The following HS3ST2 variants were observed in gnomAD, a reference collection of about 807,000 sequenced individuals.
HS3ST2 encodes heparan sulfate-glucosamine 3-sulfotransferase 2, also known as heparan sulfate glucosamine 3-O-sulfotransferase 2.
Under a neutral mutation model 26.3 loss-of-function variants are expected in HS3ST2, and 17 were observed. The ratio of observed to expected loss-of-function variants is 0.65; its 90% CI spans 0.44 to 0.97. The LOEUF (loss-of-function observed/expected upper bound fraction) is 0.97, where lower values mean the gene tolerates loss of function less well. HS3ST2 is among the 50% of genes least tolerant of loss of function. The pLI, the probability that HS3ST2 is intolerant of heterozygous loss-of-function variation, is 0.00. For missense variants in HS3ST2, 402 were observed against 501.2 expected, an observed-to-expected ratio of 0.80 and a Z score of 1.89; for synonymous variants, 237 against 219.2, an observed-to-expected ratio of 1.08 and a Z score of -0.72.
chr16:22,858,974 T>C (rs1272037450), intron 1 of HS3ST2, among the ~76,000 whole-genome samples: 4 of 152,170 alleles, frequency 2.6e-5, no homozygotes, highest in African/African-American at 4.8e-5. Flanking sequence ...GAGACTAGCC[T>C]GGACAACAGA....
chr16:22,894,927 A>G (rs963956953), intron 1 of HS3ST2, among the ~76,000 whole-genome samples: 2 of 152,108 alleles, frequency 1.3e-5, no homozygotes, highest in African/African-American at 4.8e-5. Context: ...TTTCTCTTTG[A>G]CATTTTGATA....
chr16:22,845,146 G>T (rs919353501), intron 1 of HS3ST2, among the ~76,000 whole-genome samples: 1 of 147,544 alleles, frequency 6.8e-6, no homozygotes, highest in Non-Finnish European at 1.5e-5. Flanking sequence ...GAGCCACTGC[G>T]CCTGGCCTAA....
In HS3ST2 at chr16:22,839,535, C is replaced by T. The variant is rs1596609993; in HGVS notation, c.485+24440C>T. Among the ~76,000 whole-genome samples, 6 of 152,128 alleles carry T rather than the reference C, an allele frequency of 3.9e-5. 1 individual carries two copies. Among genetic ancestry groups the T allele is most frequent in the Admixed American group, 3.3e-4 (5 of 15,270 alleles). On this transcript the variant is annotated intron_variant, in intron 1 of 1. Transcript: ENST00000261374. Reference sequence around the variant, plus strand: ...GACTCAAAAGCTGCTGCACAGGTAACTCTGAGAGTTATGTGAAATTTTCTT... The same window carrying T: ...GACTCAAAAGCTGCTGCACAGGTAATTCTGAGAGTTATGTGAAATTTTCTT...
intron 1 of HS3ST2, among the ~76,000 whole-genome samples, chr16:22,871,937 C>T (rs1320614805): frequency 6.6e-6 from 1 of 152,190 alleles, no homozygotes; most frequent in Non-Finnish European, 1.5e-5. Flanking sequence ...TGGAATAGCC[C>T]TGCAGGGAAG....
At chr16:22,828,259 T>C (rs1314670450) in intron 1 of HS3ST2, among the ~76,000 whole-genome samples, 2 of 152,142 alleles carry the variant, frequency 1.3e-5, no homozygotes, top group Non-Finnish European at 2.9e-5. Flanking sequence ...AATACAGAGT[T>C]CTTAGGTAAC....
chr16:22,872,580 G>A (rs911264074), intron 1 of HS3ST2, among the ~76,000 whole-genome samples: 2 of 152,116 alleles, frequency 1.3e-5, no homozygotes, highest in African/African-American at 4.8e-5. Flanking sequence ...TTCTTCTTTA[G>A]ATGGGGCACA....
intron 1 of HS3ST2, among the ~76,000 whole-genome samples, chr16:22,864,882 CAAAAAAAAAA>C (rs34942780): frequency 1.7e-5 from 1 of 57,170 alleles, no homozygotes; most frequent in Non-Finnish European, 3.6e-5. Flanking sequence ...CCTGTCTCCA[CAAAAAAAAAA>C]AAAAAAAAAA....
chr16:22,880,612 G>A (rs1901976712), intron 1 of HS3ST2, among the ~76,000 whole-genome samples: 1 of 152,088 alleles, frequency 6.6e-6, no homozygotes, highest in Admixed American at 6.5e-5. Flanking sequence ...TGTGCCATGT[G>A]GCCCAGGCTG....
chr16:22,846,603 T>A (rs1353605895), intron 1 of HS3ST2, among the ~76,000 whole-genome samples: 1 of 152,202 alleles, frequency 6.6e-6, no homozygotes, highest in Non-Finnish European at 1.5e-5. Flanking sequence ...TCACACCGAT[T>A]AGACTGGCAA....
chr16:22,896,152 A>C (rs953247170), intron 1 of HS3ST2, among the ~76,000 whole-genome samples: 10 of 152,090 alleles, frequency 6.6e-5, no homozygotes, highest in Non-Finnish European at 1.5e-4. Context: ...TAGAAGCTAC[A>C]TGTATTATTT....
At chr16:22,842,244 C>T (rs143848729) in intron 1 of HS3ST2, among the ~76,000 whole-genome samples, 4,313 of 151,602 alleles carry the variant, frequency 0.028, 98 homozygotes, top group Non-Finnish European at 0.038. Flanking sequence ...ATATTTTTAG[C>T]AGAGATAGGG....
At chr16:22,911,315 G>A (rs1902422737) in intron 1 of HS3ST2, among the ~76,000 whole-genome samples, 1 of 152,138 alleles carries the variant, frequency 6.6e-6, no homozygotes, top group Non-Finnish European at 1.5e-5. Flanking sequence ...TGTTCATTGG[G>A]TACAGAGAAG....
intron 1 of HS3ST2, among the ~76,000 whole-genome samples, chr16:22,816,811 T>C (rs1240707683): frequency 2.0e-5 from 3 of 152,210 alleles, no homozygotes; most frequent in Non-Finnish European, 4.4e-5. Context: ...ATTTCCTCGA[T>C]GGAAAATCTG....
intron 1 of HS3ST2, among the ~76,000 whole-genome samples, chr16:22,859,249 A>G (rs571479859): frequency 6.6e-6 from 1 of 152,304 alleles, no homozygotes. Context: ...CCCATGCTCT[A>G]AGAAGACCAA....
intron 1 of HS3ST2, among the ~76,000 whole-genome samples, chr16:22,886,444 G>A (rs1902059799): frequency 6.6e-6 from 1 of 152,122 alleles, no homozygotes; most frequent in Admixed American, 6.5e-5. Context: ...TGAAGTGCAG[G>A]GATGCTGCCG....
intron 1 of HS3ST2, among the ~76,000 whole-genome samples, chr16:22,889,004 A>G (rs1902099371): frequency 6.6e-6 from 1 of 152,220 alleles, no homozygotes; most frequent in Non-Finnish European, 1.5e-5. Context: ...GACAGTGCAT[A>G]GAACAAACAA....
At chr16:22,833,041 A>G (rs543693619) in intron 1 of HS3ST2, among the ~76,000 whole-genome samples, 1 of 152,138 alleles carries the variant, frequency 6.6e-6, no homozygotes, top group African/African-American at 2.4e-5. Flanking sequence ...TATGTAGAGA[A>G]CCCATGCTTC....
intron 1 of HS3ST2, among the ~76,000 whole-genome samples, chr16:22,913,631 G>A (rs531440843): frequency 1.3e-4 from 20 of 152,164 alleles, no homozygotes; most frequent in Non-Finnish European, 1.9e-4. Context: ...ACAATATTCA[G>A]TGGCTTACTT....
chr16:22,903,540 G>A (rs1902308039), intron 1 of HS3ST2, among the ~76,000 whole-genome samples: 2 of 152,168 alleles, frequency 1.3e-5, no homozygotes, highest in South Asian at 4.1e-4. Flanking sequence ...AGCTGAAAGT[G>A]GATCATAACT....
Sources: gnomAD v4.1 joint callset for allele counts (sites outside exome capture counted in the v4.1 genomes callset) on GRCh38, gnomAD v4.1.1 for gene constraint, MANE v1.5 for transcripts, NCBI Gene and HGNC (gene_info 2026-07-23, HGNC 2026-07-21) for gene names.